Variants in OVCH1 observed in about 807,000 individuals in gnomAD.
OVCH1 encodes the protein ovochymase 1, also known as ovochymase-1.
A neutral mutation model predicts 138.4 loss-of-function variants in OVCH1; 139 were observed. The observed-to-expected ratio is 1.00, with a 90% CI of 0.87 to 1.16. OVCH1 has a LOEUF of 1.16. Ranked by LOEUF, OVCH1 falls within the 50% of genes most tolerant of loss-of-function variation. The pLI is 0.00. For missense variants in OVCH1, 1,367 were observed against 1,357.9 expected, an observed-to-expected ratio of 1.01 and a Z score of -0.11; for synonymous variants, 453 against 467.8, an observed-to-expected ratio of 0.97 and a Z score of 0.41.
chr12:29,405,079 A>G, the OVCH1 span, among the ~76,000 whole-genome samples: 4 of 146,750 alleles, frequency 2.7e-5, no homozygotes, highest in South Asian at 8.9e-4. Flanking sequence ...TCATGTTTGT[A>G]GGTCAAAAAC....
chr12:29,425,214 T>G (rs61918678), downstream of OVCH1, among the ~76,000 whole-genome samples: 9,533 of 152,260 alleles, frequency 0.063, 391 homozygotes, highest in Non-Finnish European at 0.086. Flanking sequence ...CTAAATGGTA[T>G]GGAAATGATT....
At chr12:29,414,040 T>C (rs1486012935) in intron 3 of OVCH1, among the ~76,000 whole-genome samples, 2 of 147,618 alleles carry the variant, frequency 1.4e-5, no homozygotes, top group Non-Finnish European at 1.5e-5. Flanking sequence ...TTTTTTTTTT[T>C]TTGGAGTATT....
At chr12:29,402,666 G>A in the OVCH1 span, among the ~76,000 whole-genome samples, 1 of 151,594 alleles carries the variant, frequency 6.6e-6, no homozygotes, top group Non-Finnish European at 1.5e-5. Flanking sequence ...AGGAGAAGAG[G>A]GAGGTTGTTA....
Position 29,454,945 on chromosome 12 carries a change from G to C in OVCH1, c.2438-12C>G. 1 of 1,587,376 alleles carries C rather than the reference G, an allele frequency of 6.3e-7. No homozygotes were observed. The highest frequency in any genetic ancestry group is 8.6e-7 in the Non-Finnish European group (1 of 1,158,554). Reference sequence around the variant, plus strand: ...AAGTGAAGCAGGACCTGTATTTGGGGAGAACATGTTAAAAATAAAGATGAA... The same window carrying C: ...AAGTGAAGCAGGACCTGTATTTGGGCAGAACATGTTAAAAATAAAGATGAA... On this transcript the variant is annotated splice_polypyrimidine_tract_variant and intron_variant, in intron 20 of 27. Transcript: ENST00000318184.
At chr12:29,464,035 G>A (rs11050242) in intron 18 of OVCH1, among the ~76,000 whole-genome samples, 1 of 152,098 alleles carries the variant, frequency 6.6e-6, no homozygotes, top group Admixed American at 6.5e-5. Context: ...ACGGGCACAA[G>A]CCATTAAATA....
rs540519606 is a variant in OVCH1, at chr12:29,431,801, T to C, written c.3327+1950A>G. 2.0e-5 allele frequency among the ~76,000 whole-genome samples: 3 copies of C among 152,340 alleles called. No homozygotes were observed. In the South Asian group the frequency reaches 6.2e-4, roughly 32 times the overall value. ...ACATGTCTACATTAAAGGTTTTCTATGTTTATCTGAAAAACAGAATGAATA... is the reference window on the plus strand; with the variant it reads ...ACATGTCTACATTAAAGGTTTTCTACGTTTATCTGAAAAACAGAATGAATA... On this transcript the variant is annotated intron_variant, in intron 27 of 27. Coordinates refer to ENST00000318184, the Ensembl canonical transcript of OVCH1.
intron 25 of OVCH1, 141 bp downstream of exon 25, chr12:29,443,220 T>G (rs1941532398): frequency 2.4e-6 from 2 of 819,234 alleles, no homozygotes; most frequent in African/African-American, 3.5e-5. Context: ...TGACACAAGT[T>G]TAACAGTAAG....
chr12:29,489,772 C>T lies in OVCH1; in HGVS notation c.551-1G>A. On this transcript the variant is annotated splice_acceptor_variant, in intron 5 of 27. Coordinates refer to ENST00000318184, the Ensembl canonical transcript of OVCH1. LOFTEE classifies it high-confidence loss of function. Reference sequence around the variant, plus strand: ...TGTAGGACATTTGAATATTCTGATGCTGTAGAGAGAGGACAGATAAGTTAG... The same window carrying T: ...TGTAGGACATTTGAATATTCTGATGTTGTAGAGAGAGGACAGATAAGTTAG... The T allele has an allele frequency of 6.2e-7, 1 of 1,608,368 alleles. No individual in the cohort carries two copies. Among genetic ancestry groups the T allele is most frequent in the Non-Finnish European group, 8.5e-7 (1 of 1,177,326 alleles).
chr12:29,448,618 G>C (rs1941684170), intron 22 of OVCH1, among the ~76,000 whole-genome samples: 1 of 152,194 alleles, frequency 6.6e-6, no homozygotes, highest in East Asian at 1.9e-4. Flanking sequence ...AGAAGCCCTG[G>C]AGCAGTTGTA....
chr12:29,477,292 A>G (rs1555152030), intron 11 of OVCH1, 49 bp downstream of exon 11: 1 of 1,613,418 alleles, frequency 6.2e-7, no homozygotes, highest in South Asian at 1.1e-5. Flanking sequence ...CCTCTTCCCC[A>G]CCCACATCAA....
At chr12:29,455,880 C>T (rs1303737269) in intron 19 of OVCH1, among the ~76,000 whole-genome samples, 1 of 151,692 alleles carries the variant, frequency 6.6e-6, no homozygotes, top group East Asian at 1.9e-4. Context: ...TGGGTGGTAA[C>T]CTCTATATGT....
intron 27 of OVCH1, among the ~76,000 whole-genome samples, chr12:29,431,912 C>T (rs1436313): frequency 1.3e-5 from 2 of 152,246 alleles, no homozygotes; most frequent in South Asian, 2.1e-4. Flanking sequence ...AAAATAGACA[C>T]GTTTGTTAAC....
intron 19 of OVCH1, among the ~76,000 whole-genome samples, chr12:29,459,613 A>G (rs1283108671): frequency 6.6e-6 from 1 of 152,170 alleles, no homozygotes; most frequent in Non-Finnish European, 1.5e-5. Context: ...TTCTGCATTT[A>G]AAAATCACTA....
At chr12:29,439,407 A>C in exon 26 of OVCH1, 1 of 1,548,566 alleles carries the variant, frequency 6.5e-7, no homozygotes, top group South Asian at 1.2e-5. Flanking sequence ...TTTTGTCAGT[A>C]TCATTGCCAG....
chr12:29,422,781 T>C (rs2135887968), downstream of OVCH1, among the ~76,000 whole-genome samples: 1 of 152,254 alleles, frequency 6.6e-6, no homozygotes, highest in Non-Finnish European at 1.5e-5. Flanking sequence ...GGGTGAGGGG[T>C]AGCTACTTGG....
At chr12:29,443,967 T>C (rs545688290) in intron 24 of OVCH1, among the ~76,000 whole-genome samples, 178 bp downstream of exon 24, 1 of 152,232 alleles carries the variant, frequency 6.6e-6, no homozygotes, top group Non-Finnish European at 1.5e-5. Flanking sequence ...ACAAGGACAT[T>C]CTTATATTGT....
At chr12:29,488,871 A>G (rs1379335333) in intron 6 of OVCH1, among the ~76,000 whole-genome samples, 1 of 152,132 alleles carries the variant, frequency 6.6e-6, no homozygotes, top group Admixed American at 6.5e-5. Flanking sequence ...CTGTTTTCCA[A>G]TTTAGAAAGC....
exon 14 of OVCH1, chr12:29,475,187 T>G (rs376326698): frequency 6.8e-7 from 1 of 1,461,742 alleles, no homozygotes; most frequent in Non-Finnish European, 9.1e-7. Context: ...CCACAAAGTT[T>G]AGCTGAAAAA....
At chr12:29,467,172 T>C (rs1592078404) in intron 16 of OVCH1, among the ~76,000 whole-genome samples, 1 of 152,148 alleles carries the variant, frequency 6.6e-6, no homozygotes, top group Non-Finnish European at 1.5e-5. Context: ...AGGATTAAAC[T>C]TTTTCAAAGT....
Sources: gnomAD v4.1 joint callset for allele counts (sites outside exome capture counted in the v4.1 genomes callset) on GRCh38, gnomAD v4.1.1 for gene constraint, MANE v1.5 for transcripts, NCBI Gene and HGNC (gene_info 2026-07-23, HGNC 2026-07-21) for gene names.